The following CD247 variants were observed in gnomAD, a reference collection of about 807,000 sequenced individuals.
The protein encoded by CD247 is CD247 molecule, also known as T-cell surface glycoprotein CD3 zeta chain.
CD247 carries 13 observed loss-of-function variants against 30.0 expected under a neutral mutation model. The observed-to-expected ratio is 0.43, with a 90% CI of 0.28 to 0.69. CD247 has a LOEUF of 0.69. Ranked by LOEUF, CD247 falls within the 30% of genes least tolerant of loss-of-function variation. CD247 has a pLI of 0.16. For synonymous variants in CD247, 72 were observed against 80.0 expected (o/e 0.90, Z 0.53); for missense variants, 193 against 212.6 (o/e 0.91, Z 0.57).
In CD247 at chr1:167,518,402, C is replaced by A. The variant is rs1470408203; in HGVS notation, c.58+6G>T. On this transcript the variant is annotated splice_donor_region_variant and intron_variant, in intron 1 of 7. Transcript: ENST00000362089. Reference sequence around the variant, plus strand: ...AAGTTCCCTGCCGTCGACACGTCGGCCCTACCTGTAATCGGCAACTGTGCC... The same window carrying A: ...AAGTTCCCTGCCGTCGACACGTCGGACCTACCTGTAATCGGCAACTGTGCC... The A allele has an allele frequency of 3.5e-5, 56 of 1,613,976 alleles. No homozygotes were observed. The highest frequency in any genetic ancestry group is 4.2e-5 in the Non-Finnish European group (50 of 1,179,946).
intron 1 of CD247, among the ~76,000 whole-genome samples, chr1:167,510,180 C>A (rs1655328622): frequency 6.6e-6 from 1 of 152,190 alleles, no homozygotes; most frequent in South Asian, 2.1e-4. Flanking sequence ...ACACACCATA[C>A]ATACAAAATC....
intron 1 of CD247, among the ~76,000 whole-genome samples, chr1:167,492,479 G>A (rs962744455): frequency 6.6e-6 from 1 of 152,192 alleles, no homozygotes; most frequent in Non-Finnish European, 1.5e-5. Flanking sequence ...AAATTTAGAC[G>A]CTTATGTGTG....
intron 1 of CD247, among the ~76,000 whole-genome samples, chr1:167,466,804 G>A (rs1653268559): frequency 6.6e-6 from 1 of 152,104 alleles, no homozygotes; most frequent in Admixed American, 6.5e-5. Context: ...AAAGGCTTCG[G>A]GAGGCCTAGC....
At chr1:167,498,905 G>A (rs972684760) in intron 1 of CD247, among the ~76,000 whole-genome samples, 6 of 152,186 alleles carry the variant, frequency 3.9e-5, no homozygotes, top group African/African-American at 1.4e-4. Flanking sequence ...ATGGTTTACG[G>A]CTGTCCTCCT....
At chr1:167,462,544 C>A (rs1016130608) in intron 1 of CD247, among the ~76,000 whole-genome samples, 2 of 152,234 alleles carry the variant, frequency 1.3e-5, no homozygotes, top group Non-Finnish European at 2.9e-5. Flanking sequence ...TACACGAGAA[C>A]CCAAGGGAGA....
At chr1:167,506,299 C>A (rs1024159833) in intron 1 of CD247, among the ~76,000 whole-genome samples, 1 of 53,646 alleles carries the variant, frequency 1.9e-5, no homozygotes, top group Non-Finnish European at 3.4e-5. Context: ...TTTTTCTTTT[C>A]TTTTCCTTTC....
chr1:167,455,314 C>T (rs1348235437), intron 1 of CD247, among the ~76,000 whole-genome samples: 4 of 152,218 alleles, frequency 2.6e-5, no homozygotes, highest in Admixed American at 2.6e-4. Flanking sequence ...CCTCCCGGGT[C>T]AAAGCTACGC....
At chr1:167,465,598 TGGTATTACA>T (rs1653211699) in intron 1 of CD247, among the ~76,000 whole-genome samples, 1 of 152,174 alleles carries the variant, frequency 6.6e-6, no homozygotes, top group South Asian at 2.1e-4. Context: ...CCAAAAGTTC[TGGTATTACA>T]GGCGTGAGCC....
chr1:167,501,917 C>T (rs942705317), intron 1 of CD247, among the ~76,000 whole-genome samples: 3 of 152,236 alleles, frequency 2.0e-5, no homozygotes, highest in African/African-American at 7.2e-5. Flanking sequence ...AAGCTCTGCC[C>T]GCTTGAATTG....
At chr1:167,509,475 A>G (rs1655293652) in intron 1 of CD247, among the ~76,000 whole-genome samples, 2 of 152,132 alleles carry the variant, frequency 1.3e-5, no homozygotes. Context: ...TTGTTTGCCA[A>G]CCTATTCCGA....
intron 1 of CD247, among the ~76,000 whole-genome samples, chr1:167,492,234 C>T (rs1261953779): frequency 6.6e-6 from 1 of 152,134 alleles, no homozygotes; most frequent in Admixed American, 6.5e-5. Context: ...ACAGTCTTGT[C>T]AGTATTGGAG....
chr1:167,496,729 G>A (rs1654705305), intron 1 of CD247, among the ~76,000 whole-genome samples: 1 of 152,190 alleles, frequency 6.6e-6, no homozygotes, highest in Non-Finnish European at 1.5e-5. Flanking sequence ...GGCAAGACAA[G>A]AAGTCTAATC....
chr1:167,446,542 G>A (rs1652085734), intron 1 of CD247, among the ~76,000 whole-genome samples: 1 of 152,216 alleles, frequency 6.6e-6, no homozygotes, highest in South Asian at 2.1e-4. Context: ...GCCCTGCACA[G>A]TGGCGCATGC....
chr1:167,507,146 G>A (rs1481603305), intron 1 of CD247, among the ~76,000 whole-genome samples: 2 of 151,810 alleles, frequency 1.3e-5, no homozygotes, highest in East Asian at 1.9e-4. Context: ...CTCAAACTCC[G>A]GACCCTGGGT....
At chr1:167,462,325 A>G (rs1417764132) in intron 1 of CD247, among the ~76,000 whole-genome samples, 3 of 152,242 alleles carry the variant, frequency 2.0e-5, no homozygotes, top group Non-Finnish European at 2.9e-5. Flanking sequence ...TGACCATAGA[A>G]GAGGCCTCTG....
intron 2 of CD247, chr1:167,439,639 G>T (rs1651725750): frequency 1.7e-6 from 1 of 572,382 alleles, no homozygotes; most frequent in African/African-American, 1.9e-5. Flanking sequence ...GCTGGCCCAG[G>T]ACCCGCTGGA....
At chr1:167,495,785 T>G (rs976691770) in intron 1 of CD247, among the ~76,000 whole-genome samples, 1 of 152,134 alleles carries the variant, frequency 6.6e-6, no homozygotes, top group African/African-American at 2.4e-5. Flanking sequence ...CTCCGTCTTC[T>G]CCAGGTTCCC....
At chr1:167,493,360 C>A (rs183135082) in intron 1 of CD247, among the ~76,000 whole-genome samples, 1 of 152,200 alleles carries the variant, frequency 6.6e-6, no homozygotes, top group Non-Finnish European at 1.5e-5. Context: ...CTCCTTTTGT[C>A]CCATCTTCCT....
At chr1:167,473,511 G>C (rs1653618822) in intron 1 of CD247, among the ~76,000 whole-genome samples, 2 of 152,180 alleles carry the variant, frequency 1.3e-5, no homozygotes, top group African/African-American at 4.8e-5. Context: ...ACTGCAGCTT[G>C]AGAATGAGGC....
Sources: gnomAD v4.1 joint callset for allele counts (sites outside exome capture counted in the v4.1 genomes callset) on GRCh38, gnomAD v4.1.1 for gene constraint, MANE v1.5 for transcripts, NCBI Gene and HGNC (gene_info 2026-07-23, HGNC 2026-07-21) for gene names.